The following GLI2 variants were observed in gnomAD, a reference collection of about 807,000 sequenced individuals.
GLI2 encodes GLI family zinc finger 2.
A neutral mutation model predicts 78.9 loss-of-function variants in GLI2; 22 were observed. The observed-to-expected ratio is 0.28, with a 90% CI of 0.20 to 0.40. GLI2 has a LOEUF of 0.40. Among genes scored for constraint, GLI2 ranks in the 10% least tolerant of loss-of-function variants. The pLI is 1.00. For missense variants in GLI2, 2,097 were observed against 2,213.2 expected (o/e 0.95, Z 1.05); for synonymous variants, 974 against 963.7 (o/e 1.01, Z -0.20).
rs553771069 is a variant in GLI2 at position 120,908,882 on chromosome 2, G to A, written c.149-18479G>A. On this transcript the variant is annotated intron_variant, in intron 2 of 13. Coordinates refer to ENST00000361492, the MANE Select transcript of GLI2 (RefSeq NM_001374353.1). ...GAGTGCTGAATGGCTGATGGCTGGA[G>A]GACAGACTGTCTACAGGAGTCAGAT... Among the ~76,000 whole-genome samples, 54 of 152,260 alleles carry A rather than the reference G, an allele frequency of 3.5e-4. 1 individual carries two copies. Among genetic ancestry groups the A allele is most frequent in the African/African-American group, 1.3e-3 (53 of 41,546 alleles).
intron 1 of GLI2, among the ~76,000 whole-genome samples, chr2:120,752,924 C>G (rs919920927): frequency 6.6e-6 from 1 of 152,116 alleles, no homozygotes. Context: ...ATGGTTATAC[C>G]ATCGGTTATT....
chr2:120,858,517 G>A (rs2104632503), intron 2 of GLI2, among the ~76,000 whole-genome samples: 1 of 152,292 alleles, frequency 6.6e-6, no homozygotes, highest in Middle Eastern at 3.4e-3. Context: ...CCCTTGTCCT[G>A]TCTCATCCTC....
intron 1 of GLI2, among the ~76,000 whole-genome samples, chr2:120,746,819 T>G (rs1027228317): frequency 2.0e-5 from 3 of 152,180 alleles, no homozygotes; most frequent in Admixed American, 1.3e-4. Context: ...ATATAAAATT[T>G]TTTTTGCTCT....
In GLI2 at chr2:120,772,339, C is replaced by T. The variant is rs528736591; in HGVS notation, c.-30-24952C>T. Among the ~76,000 whole-genome samples, 13 of 152,076 alleles carry T rather than the reference C, an allele frequency of 8.5e-5. No individual in the cohort carries two copies. The South Asian group carries it at 2.7e-3, about 32-fold the overall frequency. ...TCTCCAGCTCCCCAAGACTCAGCACCCTGTTCTGCAAGTCACTATTGGTCT... is the reference window on the plus strand; with the variant it reads ...TCTCCAGCTCCCCAAGACTCAGCACTCTGTTCTGCAAGTCACTATTGGTCT... On this transcript the variant is annotated intron_variant, in intron 1 of 13. Transcript: ENST00000361492.
Position 120,984,610 on chromosome 2 carries a change from C to T in GLI2, c.1772C>T (p.Pro591Leu), listed in dbSNP as rs149800897. The change falls in exon 12 of 14, where the codon CCG (proline) becomes CTG (leucine). Residue 591 changes from proline (P) to leucine (L), a missense_variant. Around this residue, in one of 5 missense-constraint regions of GLI2, gnomAD observed 57 missense variants for 44.5 expected, o/e 1.28. Coordinates refer to ENST00000361492, the MANE Select transcript of GLI2 (RefSeq NM_001374353.1). ...KQRNDVHLRTPLLKENGDSEA... is the reference protein window; with the variant it reads ...KQRNDVHLRTLLLKENGDSEA... ...CGCAATGACGTGCACCTCCGCACAC[C>T]GCTGCTCAAAGAGAATGGGGACAGT... 8.7e-6 allele frequency: 14 copies of T among 1,614,110 alleles called. No individual in the cohort carries two copies. The highest frequency in any genetic ancestry group is 6.6e-5 in the South Asian group (6 of 91,088).
At chr2:120,860,414 C>T (rs1253224137) in intron 2 of GLI2, among the ~76,000 whole-genome samples, 3 of 152,220 alleles carry the variant, frequency 2.0e-5, no homozygotes, top group Non-Finnish European at 2.9e-5. Flanking sequence ...GCCCCCAACA[C>T]AGGCCCTGGG....
At chr2:120,739,882 C>G (rs1254422363) in intron 1 of GLI2, among the ~76,000 whole-genome samples, 9 of 152,216 alleles carry the variant, frequency 5.9e-5, no homozygotes, top group Non-Finnish European at 1.2e-4. Flanking sequence ...TGCTCCTGCA[C>G]TTCTAAAGAA....
chr2:120,758,234 T>G (rs985233306), intron 1 of GLI2, among the ~76,000 whole-genome samples: 1 of 152,198 alleles, frequency 6.6e-6, no homozygotes, highest in African/African-American at 2.4e-5. Flanking sequence ...AGGTTTGCAT[T>G]TTACTCCTAG....
At chr2:120,975,189 A>G (rs1446740275) in intron 9 of GLI2, 80 bp downstream of exon 9, 1 of 1,395,574 alleles carries the variant, frequency 7.2e-7, no homozygotes, top group Non-Finnish European at 1.0e-6. Flanking sequence ...CAGGGCCTCT[A>G]CTAGACAGAA....
At chr2:120,903,004 T>A (rs1248115850) in intron 2 of GLI2, among the ~76,000 whole-genome samples, 1 of 151,996 alleles carries the variant, frequency 6.6e-6, no homozygotes, top group Non-Finnish European at 1.5e-5. Flanking sequence ...GAGACTCAAG[T>A]GATGAATGGC....
intron 2 of GLI2, among the ~76,000 whole-genome samples, chr2:120,868,721 G>C (rs74328289): frequency 6.6e-6 from 1 of 152,222 alleles, no homozygotes; most frequent in Non-Finnish European, 1.5e-5. Context: ...AGAAATGGTC[G>C]AGGGAAGAGG....
At chr2:120,880,708 C>G (rs1330698873) in intron 2 of GLI2, among the ~76,000 whole-genome samples, 1 of 152,144 alleles carries the variant, frequency 6.6e-6, no homozygotes, top group Non-Finnish European at 1.5e-5. Context: ...GAGGTATCTG[C>G]GTATGAGAGA....
chr2:120,791,148 T>C (rs1342518133), intron 1 of GLI2, among the ~76,000 whole-genome samples: 1 of 152,210 alleles, frequency 6.6e-6, no homozygotes, highest in African/African-American at 2.4e-5. Flanking sequence ...TGCCTCATGT[T>C]TTAAAATAGG....
chr2:120,835,232 G>A (rs1490994974), intron 2 of GLI2, among the ~76,000 whole-genome samples: 1 of 152,066 alleles, frequency 6.6e-6, no homozygotes, highest in African/African-American at 2.4e-5. Context: ...AGAAGCTTAG[G>A]CAGTGCCCCA....
At chr2:120,881,906 T>G (rs1395456245) in intron 2 of GLI2, among the ~76,000 whole-genome samples, 2 of 151,652 alleles carry the variant, frequency 1.3e-5, no homozygotes, top group Non-Finnish European at 2.9e-5. Flanking sequence ...ACTTTTGGAA[T>G]AGCAAAGGGA....
At chr2:120,902,780 C>G (rs1573569182) in intron 2 of GLI2, among the ~76,000 whole-genome samples, 1 of 152,198 alleles carries the variant, frequency 6.6e-6, no homozygotes. Context: ...AGTTCACCCT[C>G]AGCAATCTAC....
In GLI2 at chr2:120,986,456, C is replaced by T; in HGVS notation, c.2084C>T (p.Pro695Leu). 6.2e-7 allele frequency: 1 copy of T among 1,613,990 alleles called. No individual in the cohort carries two copies. Among genetic ancestry groups the T allele is most frequent in the Non-Finnish European group, 8.5e-7 (1 of 1,180,016 alleles). The change falls in exon 13 of 14, where the codon CCC becomes CTC. Residue 695 changes from proline to leucine, a missense_variant. Transcript: ENST00000361492. The part of the protein sequence containing the change: ...PGADTSALAA[P>L]SAGGLQLRKH... ...GCCGACACCTCAGCCCTGGCTGCCC[C>T]CTCCGCTGGTGGCCTCCAGCTGCGC...
chr2:120,886,159 A>AGT (rs532891541), intron 2 of GLI2, among the ~76,000 whole-genome samples: 39 of 116,828 alleles, frequency 3.3e-4, no homozygotes, highest in Non-Finnish European at 5.3e-4. Context: ...ATTTTTCCAA[A>AGT]GTGTGTGTGT....
chr2:120,975,199 A>G, intron 9 of GLI2, 90 bp downstream of exon 9: 2 of 1,289,674 alleles, frequency 1.6e-6, no homozygotes, highest in Non-Finnish European at 2.2e-6. Context: ...ACTAGACAGA[A>G]GGGGCTGGAG....
Sources: allele counts gnomAD v4.1 joint callset (sites outside exome capture counted in the v4.1 genomes callset), GRCh38; gene constraint gnomAD v4.1.1; regional missense constraint gnomAD v4.1.1; transcripts MANE v1.5; gene names NCBI Gene and HGNC (gene_info 2026-07-23, HGNC 2026-07-21).